The following PDGFB variants were observed in gnomAD, a reference collection of about 807,000 sequenced individuals.
PDGFB encodes platelet derived growth factor subunit B.
In PDGFB, 6 loss-of-function variants were observed where a neutral mutation model predicts 29.0. That is an observed-to-expected ratio of 0.21 (90% CI 0.11 to 0.41). The LOEUF (loss-of-function observed/expected upper bound fraction) is 0.41, where lower values mean the gene tolerates loss of function less well. Among genes scored for constraint, PDGFB ranks in the 10% least tolerant of loss-of-function variants. The probability of loss-of-function intolerance (pLI) is 1.00; values close to 1 mark genes in which losing one functional copy is unlikely to be tolerated. For synonymous variants in PDGFB, 144 were observed against 140.8 expected, an observed-to-expected ratio of 1.02 and a Z score of -0.16; for missense variants, 299 against 341.8, an observed-to-expected ratio of 0.87 and a Z score of 0.99.
rs1025023167 is a variant in PDGFB, at chr22:39,243,227, C to T, written c.63+674G>A. On this transcript the variant is annotated intron_variant, in intron 1 of 6. Transcript: ENST00000331163. This position sits in a 1 kb window ranked among gnomAD's most constrained non-coding sequence, Gnocchi z 6.4. ...CTACCTGCGTCTCTATCTTTCTCTC[C>T]CTCTCTCTCTCCGTCTCTCTCTCCG... is the stretch of plus-strand genomic sequence containing the variant. Among the ~76,000 whole-genome samples, 2 of 149,602 alleles carry T rather than the reference C, an allele frequency of 1.3e-5. No homozygotes were observed. Among genetic ancestry groups the T allele is most frequent in the Non-Finnish European group, 1.5e-5 (1 of 67,714 alleles).
intron 3 of PDGFB, among the ~76,000 whole-genome samples, chr22:39,232,346 A>T (rs1932329803): frequency 6.6e-6 from 1 of 152,108 alleles, no homozygotes; most frequent in Admixed American, 6.6e-5. Context: ...TCCCATGTGG[A>T]TCTAAGGTGT....
intron 3 of PDGFB, among the ~76,000 whole-genome samples, chr22:39,232,836 G>A (rs2146441566): frequency 6.6e-6 from 1 of 152,304 alleles, no homozygotes; most frequent in Admixed American, 6.5e-5. Context: ...TAACTGCAGT[G>A]TTTTGGGGAC....
Position 39,242,377 on chromosome 22 carries a change from G to A in PDGFB, c.63+1524C>T, listed in dbSNP as rs1569140441. 8 of 206,206 alleles carry A rather than the reference G, an allele frequency of 3.9e-5. No homozygotes were observed. The highest frequency in any genetic ancestry group is 3.0e-4 in the Admixed American group (5 of 16,782). The allele number at this position is 206,206 out of a possible 1,614,324, so 12.8% of individuals were successfully genotyped here. A position where few individuals can be genotyped will look rare whatever the true frequency, so the allele number is the denominator to read the frequency against. On this transcript the variant is annotated intron_variant, in intron 1 of 6. Transcript: ENST00000331163. The surrounding 1 kb of genome is among the most constrained non-coding windows in gnomAD (Gnocchi z 5.7). ...GCGCCGCCGTTCCCAGGACGCCCTG[G>A]CACCGGGCCCAGCCCCCAGGTCCCA... is the stretch of plus-strand genomic sequence containing the variant.
chr22:39,226,780 C>G (rs1267454573), intron 5 of PDGFB, among the ~76,000 whole-genome samples: 1 of 152,210 alleles, frequency 6.6e-6, no homozygotes, highest in East Asian at 1.9e-4. Context: ...TGAAGCTGGG[C>G]CTTCGGGTCA....
rs566476380 is a variant in PDGFB, at chr22:39,242,748, G to C, written c.63+1153C>G. Among the ~76,000 whole-genome samples, 2 of 152,034 alleles carry C rather than the reference G, an allele frequency of 1.3e-5. No homozygotes were observed. Among genetic ancestry groups the C allele is most frequent in the Non-Finnish European group, 2.9e-5 (2 of 67,948 alleles). ...CCTTCGCCGCCGCTGCCTCCTTCCT[G>C]CGCCTGGCTGGAGGCCGCAGGGGCC... On this transcript the variant is annotated intron_variant, in intron 1 of 6. Transcript: ENST00000331163. The surrounding 1 kb of genome is among the most constrained non-coding windows in gnomAD (Gnocchi z 5.7).
chr22:39,240,736 A>G (rs1035296761), intron 1 of PDGFB: 4 of 1,190,296 alleles, frequency 3.4e-6, no homozygotes, highest in Middle Eastern at 1.9e-4. Flanking sequence ...AATGGGGTTG[A>G]CACTCCAGTA....
Position 39,244,351 on chromosome 22 carries a change from C to G in PDGFB, c.-388G>C, listed in dbSNP as rs1011585821. On this transcript the variant is annotated 5_prime_UTR_variant, in exon 1 of 7. Coordinates refer to ENST00000331163, the MANE Select transcript of PDGFB (RefSeq NM_002608.4). This position sits in a 1 kb window ranked among gnomAD's most constrained non-coding sequence, Gnocchi z 4.5. ...CACGGCAGTCGATGGTTCGTCTTCA[C>G]TCGCCGGCTACAGGCGTTTTCCTCT... The G allele has an allele frequency of 5.0e-6, 1 of 198,024 alleles. No individual in the cohort carries two copies. Among genetic ancestry groups the G allele is most frequent in the African/African-American group, 2.3e-5 (1 of 43,188 alleles). 12.3% of individuals were successfully genotyped at this position (198,024 alleles called of 1,614,324 possible).
chr22:39,232,760 T>C (rs1431740174), intron 3 of PDGFB, among the ~76,000 whole-genome samples: 1 of 152,100 alleles, frequency 6.6e-6, no homozygotes, highest in Admixed American at 6.5e-5. Flanking sequence ...AGTGCTAGGA[T>C]TACAGGCGTG....
chr22:39,228,985 C>T (rs1383643836), intron 5 of PDGFB, among the ~76,000 whole-genome samples: 1 of 151,520 alleles, frequency 6.6e-6, no homozygotes, highest in Non-Finnish European at 1.5e-5. Flanking sequence ...CAGTTTGAAG[C>T]TGTCATATGA....
chr22:39,237,613 G>A (rs1002088946), intron 1 of PDGFB, among the ~76,000 whole-genome samples: 13 of 152,294 alleles, frequency 8.5e-5, no homozygotes, highest in Admixed American at 2.0e-4. Flanking sequence ...GAGAGACCAC[G>A]CCTCCGGTGC....
intron 1 of PDGFB, among the ~76,000 whole-genome samples, chr22:39,241,889 G>A (rs955404876): frequency 4.6e-5 from 7 of 152,174 alleles, no homozygotes; most frequent in Admixed American, 2.0e-4. Flanking sequence ...AAGGTTTGAG[G>A]GGCGTCGGGC....
At chr22:39,227,710 G>A (rs1437214164) in intron 5 of PDGFB, among the ~76,000 whole-genome samples, 2 of 152,116 alleles carry the variant, frequency 1.3e-5, no homozygotes, top group Admixed American at 6.5e-5. Flanking sequence ...ACTTCTCTCC[G>A]TCCTGGATTC....
rs1418857477 is a variant in PDGFB, at chr22:39,244,079, C to T, written c.-116G>A. 3 of 512,750 alleles carry T rather than the reference C, an allele frequency of 5.9e-6. No individual in the cohort carries two copies. Among genetic ancestry groups the T allele is most frequent in the Non-Finnish European group, 6.3e-6 (2 of 319,936 alleles). 31.8% of individuals were successfully genotyped at this position (512,750 alleles called of 1,614,324 possible). A position where few individuals can be genotyped will look rare whatever the true frequency, so the allele number is the denominator to read the frequency against. On this transcript the variant is annotated 5_prime_UTR_variant, in exon 1 of 7. It removes the in-frame stop codon of an upstream open reading frame in the 5' UTR. Transcript: ENST00000331163. The surrounding 1 kb of genome is among the most constrained non-coding windows in gnomAD (Gnocchi z 4.5). ...GGGCTCGGCTCGGGTCCGCGGCGAT[C>T]AGGCGCTCAGGCCTCTGCAGCCGCG...
intron 5 of PDGFB, among the ~76,000 whole-genome samples, chr22:39,226,367 A>G (rs1450359632): frequency 6.6e-6 from 1 of 152,194 alleles, no homozygotes; most frequent in Admixed American, 6.5e-5. Flanking sequence ...GGGCTGCCAC[A>G]TAACAGGTCT....
intron 2 of PDGFB, among the ~76,000 whole-genome samples, chr22:39,234,370 G>A (rs1344911012): frequency 6.6e-6 from 1 of 152,202 alleles, no homozygotes; most frequent in Non-Finnish European, 1.5e-5. Flanking sequence ...AGGGCTGAGG[G>A]AGGCCTCTGA....
At chr22:39,225,524 G>A (rs1932143010) in intron 6 of PDGFB, among the ~76,000 whole-genome samples, 171 bp downstream of exon 6, 1 of 152,004 alleles carries the variant, frequency 6.6e-6, no homozygotes, top group South Asian at 2.1e-4. Context: ...CAGCTGGGCT[G>A]GGGTCTCCAA....
intron 1 of PDGFB, among the ~76,000 whole-genome samples, chr22:39,237,772 G>T (rs191361217): frequency 6.6e-6 from 1 of 152,322 alleles, no homozygotes; most frequent in Admixed American, 6.5e-5. Flanking sequence ...ACCAACTGCC[G>T]TGTGACCTCG....
rs71326753 is a variant in PDGFB, at chr22:39,244,732, GGCTGCGAGCTGCGA to G, written c.-783_-770del. 8.5e-5 allele frequency: 16 copies of G among 187,224 alleles called. No homozygotes were observed. Among genetic ancestry groups the G allele is most frequent in the South Asian group, 3.9e-4 (2 of 5,144 alleles). The allele number at this position is 187,224 out of a possible 1,614,324, so 11.6% of individuals were successfully genotyped here. On this transcript the variant is annotated 5_prime_UTR_variant, in exon 1 of 7. Transcript: ENST00000331163. This position sits in a 1 kb window ranked among gnomAD's most constrained non-coding sequence, Gnocchi z 4.5. ...CTCTGGGCGTCCTCTGCGGGCTGCG[GGCTGCGAGCTGCGA>G]GCTGCGAGCTGCGGCTGCTCCGGTT...
chr22:39,229,756 T>G (rs1932250963), intron 5 of PDGFB, among the ~76,000 whole-genome samples: 1 of 152,182 alleles, frequency 6.6e-6, no homozygotes, highest in Non-Finnish European at 1.5e-5. Context: ...TGTGGAGAGC[T>G]GGGAGAAGTG....
Sources: allele counts gnomAD v4.1 joint callset (sites outside exome capture counted in the v4.1 genomes callset), GRCh38; gene constraint gnomAD v4.1.1; non-coding constraint Gnocchi (gnomAD v3.1); transcripts MANE v1.5; gene names NCBI Gene and HGNC (gene_info 2026-07-23, HGNC 2026-07-21).